ROBO1: variants seen among roughly 807,000 people sequenced by gnomAD.
ROBO1 encodes roundabout homolog 1.
A neutral mutation model predicts 195.9 loss-of-function variants in ROBO1; 149 were observed. That is an observed-to-expected ratio of 0.76 (90% CI 0.67 to 0.87). The LOEUF (loss-of-function observed/expected upper bound fraction) is 0.87, where lower values mean the gene tolerates loss of function less well. ROBO1 is among the 40% of genes least tolerant of loss of function. The pLI is 0.00. For synonymous variants in ROBO1, 816 were observed against 733.2 expected (o/e 1.11, Z -1.82); for missense variants, 1,933 against 2,068.3 (o/e 0.93, Z 1.27).
At chr3:79,676,320 C>T (rs1283145637) in intron 1 of ROBO1, among the ~76,000 whole-genome samples, 1 of 152,008 alleles carries the variant, frequency 6.6e-6, no homozygotes, top group Non-Finnish European at 1.5e-5. Flanking sequence ...CTATGTGCCA[C>T]ACATTTAGCA....
At chr3:78,871,495 A>T (rs1020106027) in intron 4 of ROBO1, among the ~76,000 whole-genome samples, 3 of 152,092 alleles carry the variant, frequency 2.0e-5, no homozygotes, top group African/African-American at 7.2e-5. Flanking sequence ...CTACAAGATG[A>T]TGTTGTGTGT....
intron 4 of ROBO1, among the ~76,000 whole-genome samples, chr3:78,803,724 GAATAAGTCAGCCAATGGGCTT>G (rs967013858): frequency 1.3e-5 from 2 of 151,864 alleles, no homozygotes; most frequent in Admixed American, 6.6e-5. Context: ...GACAACACAG[GAATAAGTCAGCCAATGGGCTT>G]AACACTGCTT....
intron 3 of ROBO1, among the ~76,000 whole-genome samples, chr3:78,951,871 C>T (rs1171858823): frequency 6.6e-6 from 1 of 152,092 alleles, no homozygotes; most frequent in African/African-American, 2.4e-5. Context: ...GCTTCCCCCT[C>T]TGAGAGGTCA....
intron 1 of ROBO1, among the ~76,000 whole-genome samples, chr3:79,736,190 A>G (rs1408257697): frequency 2.0e-5 from 3 of 152,190 alleles, no homozygotes; most frequent in African/African-American, 7.2e-5. Flanking sequence ...TTTCAGGTAG[A>G]TAACAGAGTA....
rs747214341 is a variant in ROBO1 at position 78,657,201 on chromosome 3, C to T, written c.2511G>A (p.Val837=). ...TTCCAGGAACAAGAAAGGGAATGAC[C>T]ACGGAAAAGGTGGAACCATCCACTG... is the stretch of plus-strand genomic sequence containing the variant. ...NKTVDGSTFS[V]VIPFLVPGIR... Residue 837 remains valine, a synonymous_variant, in exon 18 of 31, where the codon GTG becomes GTA. Transcript: ENST00000464233. 6.2e-7 allele frequency: 1 copy of T among 1,613,424 alleles called. No homozygotes were observed.
At chr3:79,349,285 A>C (rs182821312) in intron 2 of ROBO1, among the ~76,000 whole-genome samples, 71 of 152,294 alleles carry the variant, frequency 4.7e-4, no homozygotes, top group African/African-American at 1.6e-3. Flanking sequence ...AATTTTCTAA[A>C]ATATTAGTTA....
chr3:79,147,635 T>A (rs1478134328), intron 2 of ROBO1, among the ~76,000 whole-genome samples: 1 of 151,948 alleles, frequency 6.6e-6, no homozygotes, highest in Admixed American at 6.6e-5. Flanking sequence ...TGTCTTTGAA[T>A]AGGAGGAAAA....
At chr3:78,985,939 GA>G (rs2077096053) in intron 3 of ROBO1, among the ~76,000 whole-genome samples, 1 of 152,106 alleles carries the variant, frequency 6.6e-6, no homozygotes, top group Non-Finnish European at 1.5e-5. Context: ...CCCCAACAAT[GA>G]AAAGAAGGAG....
chr3:78,856,946 T>C (rs2106934642), intron 4 of ROBO1, among the ~76,000 whole-genome samples: 1 of 152,044 alleles, frequency 6.6e-6, no homozygotes, highest in Admixed American at 6.6e-5. Flanking sequence ...TCTTTTAAAA[T>C]TCTCATTTCA....
chr3:78,784,012 A>G (rs1185299394), intron 4 of ROBO1, among the ~76,000 whole-genome samples: 1 of 152,178 alleles, frequency 6.6e-6, no homozygotes, highest in Admixed American at 6.6e-5. Context: ...CTAAGGTAAA[A>G]GTGATTGTTA....
intron 8 of ROBO1, among the ~76,000 whole-genome samples, chr3:78,713,270 C>T (rs1045291732): frequency 2.7e-5 from 4 of 150,882 alleles, no homozygotes; most frequent in East Asian, 1.9e-4. Flanking sequence ...ATATTCTTTA[C>T]TCTTTTTTTT....
At chr3:79,068,522 A>G (rs569882095) in intron 3 of ROBO1, among the ~76,000 whole-genome samples, 8 of 151,920 alleles carry the variant, frequency 5.3e-5, no homozygotes, top group African/African-American at 1.7e-4. Flanking sequence ...CTCTTCCTAC[A>G]TAGAATTTCC....
intron 3 of ROBO1, among the ~76,000 whole-genome samples, chr3:79,009,796 C>T (rs2077729185): frequency 6.6e-6 from 1 of 152,184 alleles, no homozygotes; most frequent in African/African-American, 2.4e-5. Flanking sequence ...TTATCAATAA[C>T]ATCTTATCAC....
chr3:79,762,632 A>AC (rs1553650940), intron 1 of ROBO1, among the ~76,000 whole-genome samples: 1,266 of 118,270 alleles, frequency 0.011, 14 homozygotes, highest in African/African-American at 0.037. Flanking sequence ...ACACACACAC[A>AC]AAAGCCGAGA....
intron 4 of ROBO1, among the ~76,000 whole-genome samples, chr3:78,762,173 T>A (rs1443230534): frequency 1.3e-5 from 2 of 152,020 alleles, no homozygotes; most frequent in East Asian, 1.9e-4. Context: ...TTTAGGTAAG[T>A]AAATAAAAGG....
intron 4 of ROBO1, among the ~76,000 whole-genome samples, chr3:78,925,306 A>G (rs1056042312): frequency 2.6e-5 from 4 of 152,228 alleles, no homozygotes; most frequent in African/African-American, 9.6e-5. Context: ...GTCAAATTTT[A>G]TCATCTGAGC....
At chr3:79,457,714 T>TCTTTCACCTGCC (rs1160486041) in intron 2 of ROBO1, among the ~76,000 whole-genome samples, 3 of 152,160 alleles carry the variant, frequency 2.0e-5, no homozygotes, top group Middle Eastern at 3.2e-3. Context: ...CTGCACATGC[T>TCTTTCACCTGCC]CTTTCACCTG....
chr3:79,527,095 C>A (rs1036629083), intron 2 of ROBO1, among the ~76,000 whole-genome samples: 1 of 151,996 alleles, frequency 6.6e-6, no homozygotes, highest in Non-Finnish European at 1.5e-5. Flanking sequence ...TATTTCCAAA[C>A]CAATGTGAGT....
chr3:79,755,125 C>G (rs1273668030), intron 1 of ROBO1, among the ~76,000 whole-genome samples: 1 of 152,176 alleles, frequency 6.6e-6, no homozygotes, highest in Non-Finnish European at 1.5e-5. Flanking sequence ...GGTGATCCAT[C>G]TGCCTCTGCC....
Sources: allele counts gnomAD v4.1 joint callset (sites outside exome capture counted in the v4.1 genomes callset), GRCh38; gene constraint gnomAD v4.1.1; transcripts MANE v1.5; gene names NCBI Gene and HGNC (gene_info 2026-07-23, HGNC 2026-07-21).